The following PMM2 variants were observed in gnomAD, a reference collection of about 807,000 sequenced individuals.
PMM2 encodes the protein mannose-6-phosphate isomerase.
A neutral mutation model predicts 33.2 loss-of-function variants in PMM2; 35 were observed. The ratio of observed to expected loss-of-function variants is 1.06; its 90% CI spans 0.81 to 1.40. PMM2 has a LOEUF of 1.40. Among genes scored for constraint, PMM2 ranks in the 40% most tolerant of loss-of-function variants. The probability of loss-of-function intolerance (pLI) is 0.00; values close to 1 mark genes in which losing one functional copy is unlikely to be tolerated. For synonymous variants in PMM2, 153 were observed against 114.7 expected, an observed-to-expected ratio of 1.33 and a Z score of -2.13; for missense variants, 386 against 306.0, an observed-to-expected ratio of 1.26 and a Z score of -1.95.
At chr16:8,847,408 A>T (rs2060933975) in intron 7 of PMM2, among the ~76,000 whole-genome samples, 1 of 150,852 alleles carries the variant, frequency 6.6e-6, no homozygotes, top group East Asian at 2.0e-4. Context: ...TGGCTGTGAG[A>T]ATACTGTCAC....
At chr16:8,832,884 TC>T in intron 7 of PMM2, 2 of 985,420 alleles carry the variant, frequency 2.0e-6, no homozygotes, top group Non-Finnish European at 2.4e-6. Flanking sequence ...ATGCCAGGGT[TC>T]CCTCACCCTC....
rs34609525 is a variant in PMM2 at position 8,847,377 on chromosome 16, T to TAAAA, written c.640-334_640-331dup. Among the ~76,000 whole-genome samples, 576 of 140,790 alleles carry TAAAA rather than the reference T, an allele frequency of 4.1e-3. 9 individuals carry two copies. The highest frequency in any genetic ancestry group is 8.8e-3 in the South Asian group (38 of 4,332). The allele number at this position is 140,790 out of a possible 152,430, so 92.4% of individuals were successfully genotyped here. On this transcript the variant is annotated intron_variant, in intron 7 of 7. Transcript: ENST00000268261. The stretch of plus-strand genomic sequence containing the variant: ...CTTGTTAGAAAAGCGTAGGTACAGC[T>TAAAA]AAAAAAAAAAAAAAAACTGATGGCT...
At chr16:8,839,222 G>A (rs1220151314) in intron 7 of PMM2, among the ~76,000 whole-genome samples, 1 of 152,064 alleles carries the variant, frequency 6.6e-6, no homozygotes, top group South Asian at 2.1e-4. Flanking sequence ...TGAATTTTGG[G>A]AGTAAGGAAG....
intron 7 of PMM2, among the ~76,000 whole-genome samples, chr16:8,841,957 A>C (rs989440180): frequency 2.0e-5 from 3 of 151,182 alleles, no homozygotes; most frequent in African/African-American, 7.3e-5. Context: ...GAGTGAGTTG[A>C]GCATAGTTTG....
intron 6 of PMM2, 36 bp downstream of exon 6, chr16:8,811,749 A>T (rs752313167): frequency 5.0e-6 from 7 of 1,407,174 alleles, no homozygotes; most frequent in Non-Finnish European, 7.1e-6. Context: ...AAACTTGGAT[A>T]CCCATTTCCC....
intron 7 of PMM2, among the ~76,000 whole-genome samples, chr16:8,845,420 G>C (rs2060918843): frequency 6.6e-6 from 1 of 152,126 alleles, no homozygotes; most frequent in African/African-American, 2.4e-5. Flanking sequence ...TAAGTCATAG[G>C]GGATGCGATG....
At chr16:8,800,785 G>A (rs935401350) in intron 1 of PMM2, among the ~76,000 whole-genome samples, 1 of 152,028 alleles carries the variant, frequency 6.6e-6, no homozygotes, top group Non-Finnish European at 1.5e-5. Context: ...CCGGGTTCAA[G>A]TGATTCTCCT....
At chr16:8,826,695 C>G (rs1309333189) in intron 7 of PMM2, among the ~76,000 whole-genome samples, 2 of 152,094 alleles carry the variant, frequency 1.3e-5, no homozygotes, top group Admixed American at 6.5e-5. Context: ...ATTTTTTAAG[C>G]CAATTAATTA....
chr16:8,830,155 C>T (rs1270366159), intron 7 of PMM2, among the ~76,000 whole-genome samples: 1 of 152,188 alleles, frequency 6.6e-6, no homozygotes, highest in Non-Finnish European at 1.5e-5. Context: ...CAGTGTCAGC[C>T]CCCAGTCGAA....
intron 7 of PMM2, among the ~76,000 whole-genome samples, chr16:8,843,951 C>T (rs1450526073): frequency 1.3e-5 from 2 of 151,854 alleles, no homozygotes; most frequent in African/African-American, 4.8e-5. Flanking sequence ...AGGGGACAGG[C>T]GGGAGGGAAA....
At chr16:8,832,424 G>A in intron 7 of PMM2, 1 of 985,384 alleles carries the variant, frequency 1.0e-6, no homozygotes, top group Non-Finnish European at 1.2e-6. Context: ...CATGCACACA[G>A]ATCACTCAGA....
chr16:8,801,731 C>G, intron 1 of PMM2, 68 bp from the exon 2 acceptor site: 1 of 984,884 alleles, frequency 1.0e-6, no homozygotes, highest in Non-Finnish European at 1.6e-6. Flanking sequence ...CTTGTGTTAC[C>G]CTTAGAGTTT....
chr16:8,828,367 G>C (rs1377588964), intron 7 of PMM2, among the ~76,000 whole-genome samples: 1 of 152,084 alleles, frequency 6.6e-6, no homozygotes, highest in Admixed American at 6.6e-5. Flanking sequence ...TAACAAACCA[G>C]AGAGCACCCA....
intron 1 of PMM2, 57 bp from the exon 2 acceptor site, chr16:8,801,742 T>G: frequency 1.9e-6 from 2 of 1,061,008 alleles, no homozygotes; most frequent in Admixed American, 1.9e-5. Flanking sequence ...CTTAGAGTTT[T>G]GGTCTCCTGA....
At chr16:8,812,580 C>T (rs886611639) in intron 6 of PMM2, among the ~76,000 whole-genome samples, 2 of 152,198 alleles carry the variant, frequency 1.3e-5, no homozygotes, top group African/African-American at 4.8e-5. Flanking sequence ...TGAAGATTCT[C>T]ATTTTTCCCG....
At chr16:8,818,826 G>C (rs1414013772) in intron 7 of PMM2, among the ~76,000 whole-genome samples, 1 of 152,228 alleles carries the variant, frequency 6.6e-6, no homozygotes, top group Non-Finnish European at 1.5e-5. Flanking sequence ...TCTGAGTTCA[G>C]CATGGAGGCC....
At chr16:8,842,123 C>G (rs966605140) in intron 7 of PMM2, 2 of 150,658 alleles carry the variant, frequency 1.3e-5, no homozygotes, top group African/African-American at 4.9e-5. Context: ...ACTAACCATG[C>G]CTAGGAAGGA....
intron 7 of PMM2, among the ~76,000 whole-genome samples, chr16:8,834,212 C>G (rs2060829126): frequency 6.6e-6 from 1 of 152,164 alleles, no homozygotes; most frequent in African/African-American, 2.4e-5. Flanking sequence ...AAGTTGGAGG[C>G]TGAGCTTGGT....
chr16:8,806,461 GGTGGGCTAAT>G, intron 4 of PMM2, 54 bp downstream of exon 4: 1 of 1,080,554 alleles, frequency 9.3e-7, no homozygotes. Context: ...AGTGTCACAT[GGTGGGCTAAT>G]GTGGGCATTC....
Sources: gnomAD v4.1 joint callset for allele counts (sites outside exome capture counted in the v4.1 genomes callset) on GRCh38, gnomAD v4.1.1 for gene constraint, MANE v1.5 for transcripts, NCBI Gene and HGNC (gene_info 2026-07-23, HGNC 2026-07-21) for gene names.